Variants in HERC1 observed in about 807,000 individuals in gnomAD.
The protein encoded by HERC1 is HECT and RLD domain containing E3 ubiquitin protein ligase family member 1.
A neutral mutation model predicts 554.3 loss-of-function variants in HERC1; 160 were observed. That is an observed-to-expected ratio of 0.29 (90% confidence interval 0.25 to 0.33). HERC1 has a LOEUF of 0.33. HERC1 is among the 10% of genes least tolerant of loss of function. HERC1 has a pLI of 1.00. For synonymous variants in HERC1, 2,175 were observed against 2,131.7 expected (o/e 1.02, Z -0.56); for missense variants, 4,919 against 5,918.5 (o/e 0.83, Z 5.54).
intron 26 of HERC1, 113 bp from the exon 27 acceptor site, chr15:63,696,452 T>G (rs1465882896): frequency 1.4e-6 from 1 of 694,310 alleles, no homozygotes; most frequent in Non-Finnish European, 2.5e-6. Flanking sequence ...TTCATATGAA[T>G]CTATTCTAAG....
rs2070607749 is a variant in HERC1, at chr15:63,665,908, T to TG, written c.8555+10dup. 6.3e-7 allele frequency: 1 copy of TG among 1,597,812 alleles called. No individual in the cohort carries two copies. Among genetic ancestry groups the TG allele is most frequent in the African/African-American group, 1.3e-5 (1 of 74,562 alleles). ...ACACATGGAACAAAAGTACAGAAAC[T>TG]GGAATTTCACCTTTCACTAAAACCT... On this transcript the variant is annotated intron_variant, in intron 42 of 77. Transcript: ENST00000443617.
intron 17 of HERC1, among the ~76,000 whole-genome samples, chr15:63,726,224 C>T (rs529216456): frequency 5.9e-5 from 9 of 152,116 alleles, no homozygotes; most frequent in African/African-American, 1.9e-4. Flanking sequence ...TCAGGTGATC[C>T]GGCGGCCTCA....
chr15:63,774,362 T>C (rs1567112394), intron 2 of HERC1, among the ~76,000 whole-genome samples: 1 of 152,208 alleles, frequency 6.6e-6, no homozygotes, highest in Non-Finnish European at 1.5e-5. Context: ...AGAGGTTTTT[T>C]TTTCTAAAGA....
At chr15:63,759,801 A>T (rs1366948281) in intron 3 of HERC1, among the ~76,000 whole-genome samples, 1 of 152,258 alleles carries the variant, frequency 6.6e-6, no homozygotes, top group African/African-American at 2.4e-5. Context: ...TTGCTAGCAC[A>T]TGAAATGGGA....
intron 43 of HERC1, 125 bp downstream of exon 43, chr15:63,664,345 C>T (rs896465241): frequency 3.4e-5 from 25 of 731,044 alleles, no homozygotes; most frequent in Non-Finnish European, 5.1e-5. Flanking sequence ...ATCCAAATAG[C>T]TGTTCTGTTA....
intron 1 of HERC1, among the ~76,000 whole-genome samples, chr15:63,785,854 T>C (rs1056053304): frequency 6.6e-6 from 1 of 152,162 alleles, no homozygotes; most frequent in Non-Finnish European, 1.5e-5. Flanking sequence ...ACAGGATTGA[T>C]ATCTCAGAGA....
In HERC1 at chr15:63,655,837, G is replaced by A. The variant is rs2070003098; in HGVS notation, c.9989C>T (p.Pro3330Leu). Residue 3330 changes from proline to leucine, a missense_variant, in exon 50 of 78, where the codon CCA (proline) becomes CTA (leucine). Around this residue, in one of 11 missense-constraint regions of HERC1, gnomAD observed 1,963 missense variants for 2,228.6 expected, o/e 0.88. Coordinates refer to ENST00000443617, the MANE Select transcript of HERC1 (RefSeq NM_003922.4). ...AAGGGCCTGTGTTACAACAAAGTTT[G>A]GGGAGGTCACAAGCTTGTTCTCTTC... Reference protein sequence around the residue: ...IAEENKLVTSPNFVVTQALVA... With the variant: ...IAEENKLVTSLNFVVTQALVA... The A allele has an allele frequency of 6.2e-7, 1 of 1,603,702 alleles. No homozygotes were observed. The highest frequency in any genetic ancestry group is 8.5e-7 in the Non-Finnish European group (1 of 1,174,774).
chr15:63,807,052 A>AT (rs199988730), intron 1 of HERC1, among the ~76,000 whole-genome samples: 1,801 of 152,262 alleles, frequency 0.012, 38 homozygotes, highest in African/African-American at 0.042. Context: ...GGCCTGAGTG[A>AT]TTTTTTTAAG....
At chr15:63,705,082 T>A (rs1009007338) in intron 25 of HERC1, among the ~76,000 whole-genome samples, 1 of 152,098 alleles carries the variant, frequency 6.6e-6, no homozygotes, top group Non-Finnish European at 1.5e-5. Flanking sequence ...TGGTATGTTA[T>A]GGTCTCAAAA....
rs768118975 is a variant in HERC1 at position 63,749,507 on chromosome 15, T to C, written c.2079A>G (p.Ser693=). Residue 693 remains serine (S), a synonymous_variant, in exon 10 of 78, where the codon TCA becomes TCG. Transcript: ENST00000443617. This position sits in a 1 kb window ranked among gnomAD's most constrained non-coding sequence, Gnocchi z 4.1. ...DNEVYAWGNN[S]MGQCGQGNST... ...AATTTCCCTGACCACATTGCCCCAT[T>C]GAGTTATTGCCCCAGGCATAAACTT... 1 of 1,612,724 alleles carries C rather than the reference T, an allele frequency of 6.2e-7. No individual in the cohort carries two copies. Among genetic ancestry groups the C allele is most frequent in the Non-Finnish European group, 8.5e-7 (1 of 1,179,360 alleles).
At chr15:63,645,199 AT>A in intron 56 of HERC1, 102 bp from the exon 57 acceptor site, 1 of 895,084 alleles carries the variant, frequency 1.1e-6, no homozygotes, top group African/African-American at 1.6e-5. Flanking sequence ...CCACTGCATT[AT>A]TTTTTAAACT....
chr15:63,663,175 T>C lies in HERC1; in HGVS notation c.8710A>G (p.Arg2904Gly), dbSNP rs1208616031. ...AGLYRSVQAH[R>G]NQSRREGISL... ...ATTCCTTCTCTCCGACTTTGATTCC[T>C]GTGGGCCTGCACAGAGCGGTATAAT... Residue 2904 changes from arginine to glycine, a missense_variant, in exon 44 of 78, where the codon AGG (arginine) becomes GGG (glycine). Arg to Gly is a moderately radical substitution (Grantham distance 125). Transcript: ENST00000443617. 1 of 1,614,026 alleles carries C rather than the reference T, an allele frequency of 6.2e-7. No homozygotes were observed. The highest frequency in any genetic ancestry group is 8.5e-7 in the Non-Finnish European group (1 of 1,179,874).
chr15:63,619,999 TC>T lies in HERC1; in HGVS notation c.13688+2815del, dbSNP rs572145278. Reference sequence around the variant, plus strand: ...TTTTTGTGTCTCTATCTCCTTCAGTTCTGCTCTGATCTTAGTTATTTATTGC... The same window carrying T: ...TTTTTGTGTCTCTATCTCCTTCAGTTTGCTCTGATCTTAGTTATTTATTGC... On this transcript the variant is annotated intron_variant, in intron 74 of 77. Transcript: ENST00000443617. Among the ~76,000 whole-genome samples the T allele has an allele frequency of 3.5e-3, 527 of 152,350 alleles. 4 individuals carry two copies. Among genetic ancestry groups the T allele is most frequent in the Non-Finnish European group, 4.3e-3 (292 of 68,040 alleles).
At chr15:63,802,128 T>G (rs1385664694) in intron 1 of HERC1, among the ~76,000 whole-genome samples, 1 of 150,570 alleles carries the variant, frequency 6.6e-6, no homozygotes, top group African/African-American at 2.4e-5. Context: ...TAACTGAAAC[T>G]TAAATGTACA....
chr15:63,675,422 G>A (rs948501739), intron 37 of HERC1, among the ~76,000 whole-genome samples: 3 of 152,164 alleles, frequency 2.0e-5, no homozygotes, highest in African/African-American at 7.2e-5. Context: ...TTTAGACTCT[G>A]CAGGGCACAC....
intron 19 of HERC1, among the ~76,000 whole-genome samples, chr15:63,719,216 T>G (rs1395174666): frequency 6.6e-6 from 1 of 152,254 alleles, no homozygotes. Flanking sequence ...CAGGGAGTAC[T>G]GTATATGTGG....
intron 60 of HERC1, among the ~76,000 whole-genome samples, chr15:63,640,974 A>G (rs1380785093): frequency 6.6e-6 from 1 of 152,218 alleles, no homozygotes; most frequent in Non-Finnish European, 1.5e-5. Flanking sequence ...TGTCTGGACA[A>G]GTTCAAACGC....
At chr15:63,732,404 A>G (rs1380580030) in intron 14 of HERC1, among the ~76,000 whole-genome samples, 1 of 152,246 alleles carries the variant, frequency 6.6e-6, no homozygotes, top group African/African-American at 2.4e-5. Flanking sequence ...GAAACCAGCA[A>G]TAGTGACAAT....
chr15:63,662,581 G>A (rs1406726896), intron 44 of HERC1, among the ~76,000 whole-genome samples: 1 of 152,118 alleles, frequency 6.6e-6, no homozygotes, highest in Non-Finnish European at 1.5e-5. Flanking sequence ...CCTAGAATAA[G>A]GCATTACATT....
Sources: gnomAD v4.1 joint callset for allele counts (sites outside exome capture counted in the v4.1 genomes callset) on GRCh38, gnomAD v4.1.1 for gene constraint, gnomAD v4.1.1 regional missense constraint, Gnocchi (gnomAD v3.1) non-coding constraint, MANE v1.5 for transcripts, NCBI Gene and HGNC (gene_info 2026-07-23, HGNC 2026-07-21) for gene names.